The following GRIK3 variants were observed in gnomAD, a reference collection of about 807,000 sequenced individuals.
The protein encoded by GRIK3 is glutamate receptor ionotropic, kainate 3.
Under a neutral mutation model 102.5 loss-of-function variants are expected in GRIK3, and 29 were observed. The observed-to-expected ratio is 0.28, with a 90% CI of 0.21 to 0.39. GRIK3 has a LOEUF of 0.39. Ranked by LOEUF, GRIK3 falls within the 10% of genes least tolerant of loss-of-function variation. GRIK3 has a pLI of 1.00. For missense variants in GRIK3, 908 were observed against 1,252.4 expected (o/e 0.73, Z 4.15); for synonymous variants, 511 against 504.9 (o/e 1.01, Z -0.16).
chr1:37,009,323 G>A (rs1443824528), intron 1 of GRIK3, among the ~76,000 whole-genome samples: 2 of 152,172 alleles, frequency 1.3e-5, no homozygotes, highest in African/African-American at 4.8e-5. Flanking sequence ...AAGAGGAAGA[G>A]GAAACTGAGG....
chr1:36,990,770 C>T (rs576345448), intron 1 of GRIK3, among the ~76,000 whole-genome samples: 1 of 152,176 alleles, frequency 6.6e-6, no homozygotes, highest in South Asian at 2.1e-4. Flanking sequence ...AATCGCTGAG[C>T]CCAGGGCCCT....
chr1:36,924,159 G>T (rs1360008602), intron 1 of GRIK3, among the ~76,000 whole-genome samples: 1 of 152,138 alleles, frequency 6.6e-6, no homozygotes. Flanking sequence ...CCACAAAATC[G>T]GTTTTGTGCC....
chr1:36,801,690 C>G lies in GRIK3; in HGVS notation c.*161G>C, dbSNP rs982845969. ...AAGCCCAAGCAGCTGGCCTGAGAGC[C>G]TGCTGGCTTCCTGGCAGGTAAGGGC... On this transcript the variant is annotated 3_prime_UTR_variant, in exon 16 of 16. Coordinates refer to ENST00000373091, the MANE Select transcript of GRIK3 (RefSeq NM_000831.4). The G allele has an allele frequency of 1.9e-6, 1 of 538,854 alleles. No individual in the cohort carries two copies. The highest frequency in any genetic ancestry group is 1.9e-5 in the African/African-American group (1 of 52,212). 33.4% of individuals were successfully genotyped at this position (538,854 alleles called of 1,614,324 possible).
At chr1:36,979,561 C>A (rs1261251917) in intron 1 of GRIK3, among the ~76,000 whole-genome samples, 3 of 152,198 alleles carry the variant, frequency 2.0e-5, no homozygotes, top group African/African-American at 4.8e-5. Context: ...ATCACATGCT[C>A]CTTAGACACA....
intron 1 of GRIK3, among the ~76,000 whole-genome samples, chr1:36,898,363 A>C (rs1002598652): frequency 6.6e-6 from 1 of 152,198 alleles, no homozygotes; most frequent in African/African-American, 2.4e-5. Context: ...TACATATTGC[A>C]TGCCTGTATG....
chr1:36,949,321 A>G (rs1054329492), intron 1 of GRIK3, among the ~76,000 whole-genome samples: 1 of 152,200 alleles, frequency 6.6e-6, no homozygotes, highest in East Asian at 1.9e-4. Context: ...CAGTCCCCCT[A>G]CTGAAGCTAC....
intron 1 of GRIK3, among the ~76,000 whole-genome samples, chr1:36,975,109 G>A (rs1463077548): frequency 6.6e-6 from 1 of 152,050 alleles, no homozygotes; most frequent in African/African-American, 2.4e-5. Context: ...TCTACTTAAT[G>A]TTACGGAATC....
intron 1 of GRIK3, among the ~76,000 whole-genome samples, chr1:37,017,398 A>T (rs925735869): frequency 6.9e-6 from 1 of 145,562 alleles, no homozygotes; most frequent in Non-Finnish European, 1.5e-5. Flanking sequence ...AAAAAAAAGA[A>T]GAAGAAAAAA....
At chr1:37,026,303 C>G (rs1642763909) in intron 1 of GRIK3, among the ~76,000 whole-genome samples, 1 of 152,170 alleles carries the variant, frequency 6.6e-6, no homozygotes, top group Admixed American at 6.5e-5. Context: ...CTCTGTTGCT[C>G]CCTATCACAG....
intron 2 of GRIK3, among the ~76,000 whole-genome samples, chr1:36,889,691 G>A (rs969779533): frequency 4.6e-5 from 7 of 152,140 alleles, no homozygotes; most frequent in Non-Finnish European, 8.8e-5. Flanking sequence ...GTAACTCCGG[G>A]AGGGCTCGGA....
Position 36,880,442 on chromosome 1 carries a change from A to G in GRIK3, c.550+192T>C, listed in dbSNP as rs1640959756. Among the ~76,000 whole-genome samples the G allele has an allele frequency of 6.6e-6, 1 of 152,062 alleles. No homozygotes were observed. Among genetic ancestry groups the G allele is most frequent in the African/African-American group, 2.4e-5 (1 of 41,390 alleles). ...GAGGTGCGCTGGGGCTGAGTGAGAT[A>G]TGAGTGCCGCTGGGGTGCACAGGGT... On this transcript the variant is annotated intron_variant, in intron 3 of 15. Coordinates refer to ENST00000373091, the MANE Select transcript of GRIK3 (RefSeq NM_000831.4). The surrounding 1 kb of genome is among the most constrained non-coding windows in gnomAD (Gnocchi z 5.4).
intron 1 of GRIK3, among the ~76,000 whole-genome samples, chr1:36,922,800 C>T (rs1287325328): frequency 1.3e-5 from 2 of 152,166 alleles, no homozygotes; most frequent in South Asian, 2.1e-4. Flanking sequence ...CGACTCCCTT[C>T]TCTCACAGCT....
In GRIK3 at chr1:36,802,034, G is replaced by C; in HGVS notation, c.2577C>G (p.Cys859Trp). ...AACGGATCTCATCGGCCACGGTGCT[G>C]CAGAAGGAACGCTGCAGGAGGGTGG... ...KTAEREQRSF[C>W]STVADEIRFS... Residue 859 changes from cysteine (C) to tryptophan (W), a missense_variant, in exon 16 of 16, where the codon TGC (cysteine) becomes TGG (tryptophan). By Grantham distance (215) the Cys-to-Trp change is radical. Around this residue, in one of 3 missense-constraint regions of GRIK3, gnomAD observed 297 missense variants for 362.7 expected, o/e 0.82. Transcript: ENST00000373091. 1 of 1,611,102 alleles carries C rather than the reference G, an allele frequency of 6.2e-7. No homozygotes were observed. Among genetic ancestry groups the C allele is most frequent in the Non-Finnish European group, 8.5e-7 (1 of 1,178,520 alleles).
chr1:36,859,054 A>G lies in GRIK3; in HGVS notation c.1104+54T>C, dbSNP rs113073713. ...GACTCCCAGACCACTCTGCTGCTCTACAGGGCCCACAGTCCCGGGGAGACA... is the reference window on the plus strand; with the variant it reads ...GACTCCCAGACCACTCTGCTGCTCTGCAGGGCCCACAGTCCCGGGGAGACA... On this transcript the variant is annotated intron_variant, in intron 7 of 15. Transcript: ENST00000373091. 4.2e-3 allele frequency: 6,228 copies of G among 1,469,906 alleles called. 226 individuals carry two copies. In the African/African-American group the frequency reaches 0.075, roughly 18 times the overall value. The allele number at this position is 1,469,906 out of a possible 1,614,324, so 91.1% of individuals were successfully genotyped here. A position where few individuals can be genotyped will look rare whatever the true frequency, so the allele number is the denominator to read the frequency against.
intron 13 of GRIK3, among the ~76,000 whole-genome samples, chr1:36,814,741 C>T (rs1449215658): frequency 6.6e-6 from 1 of 152,050 alleles, no homozygotes; most frequent in African/African-American, 2.4e-5. Context: ...ATTACACACA[C>T]ACAGGTCCAT....
At chr1:36,854,321 T>C (rs1640623559) in intron 7 of GRIK3, among the ~76,000 whole-genome samples, 1 of 152,234 alleles carries the variant, frequency 6.6e-6, no homozygotes, top group South Asian at 2.1e-4. Flanking sequence ...GAACTAATCA[T>C]TGTGTCCATC....
chr1:36,956,601 G>A (rs1641908933), intron 1 of GRIK3, among the ~76,000 whole-genome samples: 1 of 128,314 alleles, frequency 7.8e-6, no homozygotes, highest in South Asian at 2.5e-4. Flanking sequence ...ATCCTTGCAA[G>A]GCTTCCAAAG....
chr1:36,973,555 G>C (rs1277637877), intron 1 of GRIK3, among the ~76,000 whole-genome samples: 3 of 150,744 alleles, frequency 2.0e-5, no homozygotes, highest in African/African-American at 7.3e-5. Context: ...TAGTATCTGG[G>C]ACTACAGGCA....
intron 10 of GRIK3, among the ~76,000 whole-genome samples, chr1:36,835,318 G>A (rs1339016141): frequency 6.6e-6 from 1 of 152,196 alleles, no homozygotes; most frequent in Non-Finnish European, 1.5e-5. Context: ...GATCCCAATT[G>A]GTTCCCATGG....
Sources: gnomAD v4.1 joint callset for allele counts (sites outside exome capture counted in the v4.1 genomes callset) on GRCh38, gnomAD v4.1.1 for gene constraint, gnomAD v4.1.1 regional missense constraint, Gnocchi (gnomAD v3.1) non-coding constraint, MANE v1.5 for transcripts, NCBI Gene and HGNC (gene_info 2026-07-23, HGNC 2026-07-21) for gene names.